Variants in MRPS28 observed in about 807,000 individuals in gnomAD.
MRPS28 encodes mitochondrial ribosomal protein S28, also known as small ribosomal subunit protein bS1m.
Under a neutral mutation model 10.8 loss-of-function variants are expected in MRPS28, and 7 were observed. The observed-to-expected ratio is 0.65, with a 90% CI of 0.37 to 1.22. The LOEUF (loss-of-function observed/expected upper bound fraction) is 1.22. MRPS28 is among the 50% of genes most tolerant of loss of function. The probability of loss-of-function intolerance (pLI) is 0.02; values close to 1 mark genes in which losing one functional copy is unlikely to be tolerated. For missense variants in MRPS28, 265 were observed against 232.9 expected (o/e 1.14, Z -0.90); for synonymous variants, 121 against 93.3 (o/e 1.30, Z -1.71).
At chr8:80,027,254 C>G (rs1164747682) in intron 1 of MRPS28, among the ~76,000 whole-genome samples, 2 of 152,186 alleles carry the variant, frequency 1.3e-5, no homozygotes, top group African/African-American at 2.4e-5. Context: ...AGTCAATGTA[C>G]TGAGAGCACG....
At chr8:79,954,313 A>G (rs1275948582) in intron 2 of MRPS28, among the ~76,000 whole-genome samples, 1 of 152,180 alleles carries the variant, frequency 6.6e-6, no homozygotes, top group Admixed American at 6.5e-5. Flanking sequence ...ATATCCTATG[A>G]CCAGCAATTT....
At chr8:79,941,042 T>C (rs1401927195) in intron 2 of MRPS28, among the ~76,000 whole-genome samples, 1 of 152,150 alleles carries the variant, frequency 6.6e-6, no homozygotes, top group Non-Finnish European at 1.5e-5. Flanking sequence ...ATAAAAGCAC[T>C]TGGGAGCCCC....
chr8:79,959,456 T>C (rs894483332), intron 2 of MRPS28, among the ~76,000 whole-genome samples: 1 of 152,162 alleles, frequency 6.6e-6, no homozygotes, highest in Non-Finnish European at 1.5e-5. Context: ...TTCTATGTTA[T>C]ATATCTGTTG....
intron 2 of MRPS28, among the ~76,000 whole-genome samples, chr8:79,939,761 G>C (rs1159088411): frequency 6.6e-6 from 1 of 152,082 alleles, no homozygotes; most frequent in Non-Finnish European, 1.5e-5. Flanking sequence ...ACGAGGTCAG[G>C]AGATCGAGAC....
At chr8:79,943,121 C>T (rs1806813002) in intron 2 of MRPS28, among the ~76,000 whole-genome samples, 1 of 152,172 alleles carries the variant, frequency 6.6e-6, no homozygotes, top group Admixed American at 6.5e-5. Flanking sequence ...GAAGTCAGTC[C>T]AGCAGCTGCA....
intron 2 of MRPS28, among the ~76,000 whole-genome samples, chr8:79,925,742 C>A (rs1437110179): frequency 6.6e-6 from 1 of 152,074 alleles, no homozygotes; most frequent in Non-Finnish European, 1.5e-5. Flanking sequence ...AATCCCAGCA[C>A]TTTGGGAGAC....
chr8:79,955,720 T>C (rs1219431059), intron 2 of MRPS28, among the ~76,000 whole-genome samples: 1 of 152,160 alleles, frequency 6.6e-6, no homozygotes. Flanking sequence ...ACTCCAAATT[T>C]AGTTGCTTAA....
chr8:79,947,463 G>C (rs1017688465), intron 2 of MRPS28, among the ~76,000 whole-genome samples: 1 of 151,940 alleles, frequency 6.6e-6, no homozygotes, highest in Non-Finnish European at 1.5e-5. Context: ...GATTTTGACT[G>C]AGATTACATT....
At chr8:79,965,713 G>T (rs1807487681) in intron 2 of MRPS28, among the ~76,000 whole-genome samples, 1 of 151,962 alleles carries the variant, frequency 6.6e-6, no homozygotes, top group South Asian at 2.1e-4. Flanking sequence ...AGAATGCAAA[G>T]AAATTAATTA....
chr8:79,951,756 C>T (rs573424996), intron 2 of MRPS28, among the ~76,000 whole-genome samples: 110 of 152,308 alleles, frequency 7.2e-4, no homozygotes, highest in African/African-American at 2.6e-3. Context: ...CTTTCCTGTA[C>T]CTGTAAATTA....
chr8:80,007,847 C>T (rs1449868473), intron 1 of MRPS28, among the ~76,000 whole-genome samples: 1 of 152,088 alleles, frequency 6.6e-6, no homozygotes, highest in African/African-American at 2.4e-5. Context: ...GCCATACTGC[C>T]CAAGGTAATT....
chr8:79,957,761 G>A (rs2129992858), intron 2 of MRPS28: 1 of 152,142 alleles, frequency 6.6e-6, no homozygotes, highest in East Asian at 1.9e-4. Flanking sequence ...AACAACATAT[G>A]AGACAGTACC....
In MRPS28 at chr8:79,959,307, T is replaced by C. The variant is rs1480231824; in HGVS notation, c.396-40159A>G. Among the ~76,000 whole-genome samples the C allele has an allele frequency of 2.6e-5, 4 of 151,938 alleles. No individual in the cohort carries two copies. The South Asian group carries it at 6.2e-4, about 24-fold the overall frequency. ...AGCTGAGAGCTAGAGATCTTTATTA[T>C]AAAAAAGCTATAAAATATGAAAAAA... On this transcript the variant is annotated intron_variant, in intron 2 of 2. Coordinates refer to ENST00000276585, the MANE Select transcript of MRPS28 (RefSeq NM_014018.3).
Position 79,919,091 on chromosome 8 carries a change from A to T in MRPS28, c.453T>A (p.Ser151=), listed in dbSNP as rs1319613823. The stretch of plus-strand genomic sequence containing the variant: ...TATCTGTTGTTGCTCCCAGGAACCT[A>T]GACGTAAGTTCAAGATCTAATAGCC... ...RLRLLDLELT[S]RFLGATTDTT... The change falls in exon 3 of 3, where the codon TCT becomes TCA. Residue 151 remains serine (S), a synonymous_variant. Coordinates refer to ENST00000276585, the MANE Select transcript of MRPS28 (RefSeq NM_014018.3). 5 of 1,610,966 alleles carry T rather than the reference A, an allele frequency of 3.1e-6. No homozygotes were observed. In the African/African-American group the frequency reaches 6.7e-5, roughly 22 times the overall value.
chr8:79,977,274 G>T (rs1807827282), intron 2 of MRPS28, among the ~76,000 whole-genome samples: 1 of 152,018 alleles, frequency 6.6e-6, no homozygotes, highest in Non-Finnish European at 1.5e-5. Context: ...TAAATACTTA[G>T]AGAATTTCCC....
intron 2 of MRPS28, among the ~76,000 whole-genome samples, chr8:79,955,571 G>A (rs942173774): frequency 3.3e-5 from 5 of 152,082 alleles, no homozygotes; most frequent in Non-Finnish European, 7.4e-5. Context: ...TCCGCTAACA[G>A]TCTCAAGATT....
In MRPS28 at chr8:79,985,971, C is replaced by CA. The variant is rs879918859; in HGVS notation, c.395+17027dup. On this transcript the variant is annotated intron_variant, in intron 2 of 2. Transcript: ENST00000276585. The stretch of plus-strand genomic sequence containing the variant: ...TACCAAAGCCTGGCAGAGACACAAC[C>CA]AAAAAAGAGAATTTTAGACTAATAT... 2.2e-3 allele frequency among the ~76,000 whole-genome samples: 338 copies of CA among 151,642 alleles called. 1 individual carries two copies. Among genetic ancestry groups the CA allele is most frequent in the Admixed American group, 4.5e-3 (68 of 15,244 alleles).
intron 2 of MRPS28, among the ~76,000 whole-genome samples, chr8:79,937,424 T>G (rs924957014): frequency 6.6e-6 from 1 of 152,202 alleles, no homozygotes. Flanking sequence ...ATTTATCACT[T>G]TAAGTTGTAG....
intron 2 of MRPS28, among the ~76,000 whole-genome samples, chr8:79,926,707 A>G (rs1486818618): frequency 6.6e-6 from 1 of 152,198 alleles, no homozygotes; most frequent in Non-Finnish European, 1.5e-5. Flanking sequence ...GAGGGAGGGG[A>G]TAATAAGGTC....
Sources: gnomAD v4.1 joint callset for allele counts (sites outside exome capture counted in the v4.1 genomes callset) on GRCh38, gnomAD v4.1.1 for gene constraint, MANE v1.5 for transcripts, NCBI Gene and HGNC (gene_info 2026-07-23, HGNC 2026-07-21) for gene names.